The following CDK15 variants were observed in gnomAD, a reference collection of about 807,000 sequenced individuals.
The protein encoded by CDK15 is cyclin-dependent kinase 15.
Under a neutral mutation model 60.3 loss-of-function variants are expected in CDK15, and 62 were observed. The observed-to-expected ratio is 1.03, with a 90% CI of 0.84 to 1.27. The LOEUF is 1.27. Among genes scored for constraint, CDK15 ranks in the 50% most tolerant of loss-of-function variants. CDK15 has a pLI of 0.00. For missense variants in CDK15, 541 were observed against 527.8 expected, an observed-to-expected ratio of 1.03 and a Z score of -0.25; for synonymous variants, 194 against 195.7, an observed-to-expected ratio of 0.99 and a Z score of 0.07.
intron 12 of CDK15, among the ~76,000 whole-genome samples, chr2:201,887,075 T>A (rs990096249): frequency 2.0e-5 from 3 of 152,234 alleles, no homozygotes; most frequent in Non-Finnish European, 4.4e-5. Flanking sequence ...TTGTCTATAA[T>A]GTTTTACAAT....
At position 201,857,050 on chromosome 2, in the gene CDK15, C is replaced by T. The variant is rs1207705010; in HGVS notation, c.1009+2113C>T. The stretch of plus-strand genomic sequence containing the variant: ...CATCCTGGCTAACAAGGTGAAACCC[C>T]GTCTCTACTAAAAATACAAAAAAAA... On this transcript the variant is annotated intron_variant, in intron 10 of 13. Coordinates refer to ENST00000652192, the MANE Select transcript of CDK15 (RefSeq NM_001366386.2). 4.1e-4 allele frequency among the ~76,000 whole-genome samples: 25 copies of T among 61,080 alleles called. 9 individuals carry two copies. Among genetic ancestry groups the T allele is most frequent in the African/African-American group, 3.9e-3 (23 of 5,846 alleles). The allele number at this position is 61,080 out of a possible 152,430, so 40.1% of individuals were successfully genotyped here.
chr2:201,836,102 T>TTATATATTTA (rs1559126315), intron 8 of CDK15, among the ~76,000 whole-genome samples: 104 of 123,102 alleles, frequency 8.4e-4, no homozygotes, highest in African/African-American at 3.0e-3. Context: ...TTATATATAT[T>TTATATATTTA]TATATATTTA....
rs1379664186 is a variant in CDK15 at position 201,893,800 on chromosome 2, C to T, written c.*533C>T. 3 of 152,204 alleles carry T rather than the reference C, an allele frequency of 2.0e-5. No homozygotes were observed. Among genetic ancestry groups the T allele is most frequent in the Non-Finnish European group, 4.4e-5 (3 of 68,022 alleles). 9.4% of individuals were successfully genotyped at this position (152,204 alleles called of 1,614,324 possible). ...GATAACATTGTTAACAAAAGGACTT[C>T]CTGAGGACTATTTATTATTATTTTG... On this transcript the variant is annotated 3_prime_UTR_variant, in exon 14 of 14. Transcript: ENST00000652192.
At chr2:201,848,535 A>C (rs1347407954) in intron 9 of CDK15, among the ~76,000 whole-genome samples, 2 of 152,022 alleles carry the variant, frequency 1.3e-5, no homozygotes, top group South Asian at 4.1e-4. Context: ...CCCACTGAAC[A>C]ATAACTGCCC....
intron 8 of CDK15, among the ~76,000 whole-genome samples, chr2:201,844,028 A>G (rs1697528629): frequency 6.6e-6 from 1 of 152,138 alleles, no homozygotes; most frequent in Non-Finnish European, 1.5e-5. Flanking sequence ...AAGAAAGTGA[A>G]TTACAGGTTT....
intron 9 of CDK15, among the ~76,000 whole-genome samples, chr2:201,851,343 C>A (rs904726002): frequency 2.1e-5 from 3 of 142,284 alleles, no homozygotes; most frequent in African/African-American, 7.8e-5. Context: ...TCTCACTGTT[C>A]TAGAGGCTGG....
At chr2:201,858,891 A>AC (rs767281480) in intron 10 of CDK15, among the ~76,000 whole-genome samples, 89 of 150,730 alleles carry the variant, frequency 5.9e-4, no homozygotes, top group South Asian at 1.3e-3. Context: ...TTGCTCTGTG[A>AC]CCCCCCAAAA....
chr2:201,827,724 G>A (rs530389340), intron 6 of CDK15, among the ~76,000 whole-genome samples: 5 of 152,180 alleles, frequency 3.3e-5, no homozygotes, highest in African/African-American at 4.8e-5. Context: ...TTCCCAGCTC[G>A]GCCTCCCAAA....
At chr2:201,813,142 A>G (rs77301615) in intron 4 of CDK15, among the ~76,000 whole-genome samples, 6,055 of 152,286 alleles carry the variant, frequency 0.04, 397 homozygotes, top group African/African-American at 0.14. Flanking sequence ...TTCTTGCAGG[A>G]AGAGGATAAT....
At chr2:201,831,682 G>A (rs1472508198) in intron 6 of CDK15, among the ~76,000 whole-genome samples, 1 of 152,206 alleles carries the variant, frequency 6.6e-6, no homozygotes, top group Non-Finnish European at 1.5e-5. Context: ...AATGTGGGAA[G>A]GGACTGTGGC....
intron 8 of CDK15, among the ~76,000 whole-genome samples, chr2:201,837,589 A>G (rs1167688326): frequency 2.0e-5 from 3 of 152,104 alleles, no homozygotes; most frequent in Admixed American, 2.0e-4. Context: ...ATGGGTTACA[A>G]TAGTGAGCAT....
intron 12 of CDK15, chr2:201,888,758 C>A (rs758278916): frequency 8.4e-7 from 1 of 1,194,686 alleles, no homozygotes; most frequent in African/African-American, 1.6e-5. Context: ...GGAGCTGCTG[C>A]TTTTGAGGGG....
chr2:201,868,085 C>G (rs1698702332), intron 10 of CDK15, among the ~76,000 whole-genome samples: 2 of 152,086 alleles, frequency 1.3e-5, no homozygotes, highest in South Asian at 2.1e-4. Flanking sequence ...TCAAGTCAGA[C>G]TTAGAGGAAC....
At chr2:201,833,710 C>CTTA in intron 6 of CDK15, 138 bp from the exon 7 acceptor site, 1 of 617,480 alleles carries the variant, frequency 1.6e-6, no homozygotes, top group Non-Finnish European at 2.4e-6. Flanking sequence ...TCTTCTTCTT[C>CTTA]TTCTTCTTTT....
At chr2:201,814,486 A>G (rs748858401) in intron 4 of CDK15, among the ~76,000 whole-genome samples, 28 of 152,358 alleles carry the variant, frequency 1.8e-4, no homozygotes, top group Non-Finnish European at 3.2e-4. Context: ...AGCCCTTGTT[A>G]AAAGAGCCCT....
chr2:201,841,223 T>C (rs1697363534), intron 8 of CDK15, among the ~76,000 whole-genome samples: 1 of 152,218 alleles, frequency 6.6e-6, no homozygotes, highest in Admixed American at 6.5e-5. Flanking sequence ...TCTTACCTTT[T>C]TACCACATAT....
intron 4 of CDK15, among the ~76,000 whole-genome samples, chr2:201,822,392 G>T (rs1316182906): frequency 6.6e-6 from 1 of 152,162 alleles, no homozygotes; most frequent in Non-Finnish European, 1.5e-5. Flanking sequence ...TTGGAGACTG[G>T]TCATATGTCA....
At chr2:201,844,284 G>A (rs1007991295) in intron 8 of CDK15, among the ~76,000 whole-genome samples, 1 of 152,154 alleles carries the variant, frequency 6.6e-6, no homozygotes, top group African/African-American at 2.4e-5. Context: ...GGCCTTTCAA[G>A]AAAGTGCATG....
At chr2:201,883,324 G>A (rs143429692) in intron 12 of CDK15, among the ~76,000 whole-genome samples, 280 of 152,286 alleles carry the variant, frequency 1.8e-3, no homozygotes, top group Middle Eastern at 3.4e-3. Context: ...TGGGAAATAC[G>A]TGGAGAGTGG....
Sources: gnomAD v4.1 joint callset for allele counts (sites outside exome capture counted in the v4.1 genomes callset) on GRCh38, gnomAD v4.1.1 for gene constraint, MANE v1.5 for transcripts, NCBI Gene and HGNC (gene_info 2026-07-23, HGNC 2026-07-21) for gene names.